TMEFF1: variants seen among roughly 807,000 people sequenced by gnomAD.
TMEFF1 encodes transmembrane protein with EGF like and two follistatin like domains 1, also known as tomoregulin-1.
In TMEFF1, 20 loss-of-function variants were observed where a neutral mutation model predicts 47.5. The observed-to-expected ratio is 0.42, with a 90% confidence interval of 0.30 to 0.61. The LOEUF (loss-of-function observed/expected upper bound fraction) is 0.61, where lower values mean the gene tolerates loss of function less well. Among genes scored for constraint, TMEFF1 ranks in the 20% least tolerant of loss-of-function variants. The pLI is 0.19. For synonymous variants in TMEFF1, 162 were observed against 166.3 expected (o/e 0.97, Z 0.20); for missense variants, 411 against 471.1 (o/e 0.87, Z 1.18).
At chr9:100,532,946 G>A (rs1362482242) in intron 5 of TMEFF1, among the ~76,000 whole-genome samples, 2 of 152,008 alleles carry the variant, frequency 1.3e-5, no homozygotes, top group African/African-American at 4.8e-5. Flanking sequence ...TAGGGACATG[G>A]ATGAAATTGG....
intron 9 of TMEFF1, among the ~76,000 whole-genome samples, chr9:100,573,887 A>G (rs564162127): frequency 2.0e-5 from 3 of 152,296 alleles, no homozygotes; most frequent in Non-Finnish European, 4.4e-5. Flanking sequence ...TGGACGGTAG[A>G]TCAAAGTAGG....
In TMEFF1 at chr9:100,473,970, G is replaced by A. The variant is rs986011621; in HGVS notation, c.196+230G>A. On this transcript the variant is annotated intron_variant, in intron 1 of 9. Transcript: ENST00000374879. This position sits in a 1 kb window ranked among gnomAD's most constrained non-coding sequence, Gnocchi z 5.4. ...GTCCGAGTGTGTCGAGTGGCTGGGCGAGGGCGGCCCGGCGTGTGGGGAGGC... is the reference window on the plus strand; with the variant it reads ...GTCCGAGTGTGTCGAGTGGCTGGGCAAGGGCGGCCCGGCGTGTGGGGAGGC... Among the ~76,000 whole-genome samples, 7 of 152,062 alleles carry A rather than the reference G, an allele frequency of 4.6e-5. No individual in the cohort carries two copies. The highest frequency in any genetic ancestry group is 1.4e-4 in the African/African-American group (6 of 41,496).
At chr9:100,550,368 G>A (rs1467125679) in intron 7 of TMEFF1, among the ~76,000 whole-genome samples, 6 of 152,128 alleles carry the variant, frequency 3.9e-5, no homozygotes, top group African/African-American at 7.2e-5. Flanking sequence ...TGCTTTCTTT[G>A]ATTAAAGTCT....
At chr9:100,505,318 A>C (rs776335547) in intron 2 of TMEFF1, among the ~76,000 whole-genome samples, 1 of 144,492 alleles carries the variant, frequency 6.9e-6, no homozygotes, top group Non-Finnish European at 1.5e-5. Context: ...AGGCTGAGGC[A>C]GGAGAATTGC....
intron 5 of TMEFF1, among the ~76,000 whole-genome samples, chr9:100,540,256 T>C (rs1473952539): frequency 6.6e-6 from 1 of 152,144 alleles, no homozygotes; most frequent in East Asian, 1.9e-4. Context: ...AGAGCACTGA[T>C]TGGTGTGTTT....
chr9:100,500,654 G>C (rs532158088), intron 2 of TMEFF1, among the ~76,000 whole-genome samples: 2 of 152,102 alleles, frequency 1.3e-5, no homozygotes, highest in Non-Finnish European at 2.9e-5. Context: ...TGTTATTGCC[G>C]CTTTAAAATA....
intron 3 of TMEFF1, among the ~76,000 whole-genome samples, chr9:100,509,477 A>G (rs561531455): frequency 1.3e-5 from 2 of 152,216 alleles, no homozygotes; most frequent in East Asian, 3.9e-4. Context: ...TGATTTTTTA[A>G]AAAGAGGTGA....
intron 1 of TMEFF1, among the ~76,000 whole-genome samples, chr9:100,477,042 T>C (rs1312020198): frequency 2.6e-5 from 4 of 152,198 alleles, no homozygotes; most frequent in Non-Finnish European, 5.9e-5. Context: ...CCTGTAGATA[T>C]TCATTTTTGG....
intron 5 of TMEFF1, among the ~76,000 whole-genome samples, chr9:100,541,347 CA>C (rs1247748736): frequency 0.048 from 6,336 of 131,302 alleles, 217 homozygotes; most frequent in African/African-American, 0.097. Flanking sequence ...TTGGCAATTT[CA>C]TTTTTTTTTT....
intron 1 of TMEFF1, among the ~76,000 whole-genome samples, chr9:100,486,701 T>C (rs1429672212): frequency 6.6e-6 from 1 of 152,002 alleles, no homozygotes; most frequent in Non-Finnish European, 1.5e-5. Flanking sequence ...AGTGGCATGA[T>C]GGCTTACTGC....
intron 7 of TMEFF1, 108 bp from the exon 8 acceptor site, chr9:100,561,289 A>G: frequency 6.6e-7 from 1 of 1,506,142 alleles, no homozygotes. Flanking sequence ...AATTGCCAGT[A>G]GGTGGTTGAC....
intron 5 of TMEFF1, among the ~76,000 whole-genome samples, chr9:100,542,907 C>T (rs1312313054): frequency 6.7e-6 from 1 of 148,196 alleles, no homozygotes; most frequent in Non-Finnish European, 1.5e-5. Flanking sequence ...TCTGACTCTT[C>T]CATCTCTCTC....
chr9:100,473,740 G>C lies in TMEFF1; in HGVS notation c.196G>C (p.Glu66Gln). 6.6e-7 allele frequency: 1 copy of C among 1,514,534 alleles called. No individual in the cohort carries two copies. The allele number at this position is 1,514,534 out of a possible 1,614,324, so 93.8% of individuals were successfully genotyped here. Reference protein sequence around the residue: ...GGKGKSINCSELNVRESDVRV... With the variant: ...GGKGKSINCSQLNVRESDVRV... Reference sequence around the variant, plus strand: ...CAAAGGCAAGAGCATCAACTGCTCAGGTAGGACCGGTCGGAGCCGGCCCTA... The same window carrying C: ...CAAAGGCAAGAGCATCAACTGCTCACGTAGGACCGGTCGGAGCCGGCCCTA... The change falls in exon 1 of 10, where the codon GAA becomes CAA. Residue 66 changes from glutamate to glutamine, a missense_variant and splice_region_variant. Coordinates refer to ENST00000374879, the MANE Select transcript of TMEFF1 (RefSeq NM_003692.5). This position sits in a 1 kb window ranked among gnomAD's most constrained non-coding sequence, Gnocchi z 5.4.
chr9:100,528,442 A>G (rs1158241126), intron 5 of TMEFF1, among the ~76,000 whole-genome samples: 1 of 147,276 alleles, frequency 6.8e-6, no homozygotes, highest in Non-Finnish European at 1.5e-5. Context: ...TACGTGAAGA[A>G]TGCAGAAGCC....
chr9:100,575,557 T>C (rs1304752113), intron 9 of TMEFF1, among the ~76,000 whole-genome samples: 1 of 152,186 alleles, frequency 6.6e-6, no homozygotes, highest in African/African-American at 2.4e-5. Context: ...GGTAAAACCA[T>C]ATACAAAATG....
chr9:100,515,848 CA>C (rs1177604554), intron 4 of TMEFF1, among the ~76,000 whole-genome samples: 2 of 151,770 alleles, frequency 1.3e-5, no homozygotes, highest in African/African-American at 4.8e-5. Flanking sequence ...TACTCTTTTT[CA>C]AACCAAATTC....
rs1195556483 is a variant in TMEFF1 at position 100,504,211 on chromosome 9, G to A, written c.307-4794G>A. Among the ~76,000 whole-genome samples, 3 of 152,190 alleles carry A rather than the reference G, an allele frequency of 2.0e-5. No individual in the cohort carries two copies. The East Asian group carries it at 5.8e-4, about 29-fold the overall frequency. Reference sequence around the variant, plus strand: ...CTTAGAATCCACCATCAGTGCATAAGTCAGAAATCGCATGTTGTTAAAATT... The same window carrying A: ...CTTAGAATCCACCATCAGTGCATAAATCAGAAATCGCATGTTGTTAAAATT... On this transcript the variant is annotated intron_variant, in intron 2 of 9. Coordinates refer to ENST00000374879, the MANE Select transcript of TMEFF1 (RefSeq NM_003692.5).
chr9:100,499,576 G>A (rs746775865), intron 2 of TMEFF1, among the ~76,000 whole-genome samples: 2 of 152,038 alleles, frequency 1.3e-5, no homozygotes, highest in East Asian at 1.9e-4. Flanking sequence ...TATTCTAAAC[G>A]TACCCACCAT....
chr9:100,574,328 T>TAAA (rs1395954832), intron 9 of TMEFF1, among the ~76,000 whole-genome samples: 1 of 152,106 alleles, frequency 6.6e-6, no homozygotes, highest in Non-Finnish European at 1.5e-5. Flanking sequence ...AGGTAATGAA[T>TAAA]GATTTGGAAG....
Sources: allele counts gnomAD v4.1 joint callset (sites outside exome capture counted in the v4.1 genomes callset), GRCh38; gene constraint gnomAD v4.1.1; non-coding constraint Gnocchi (gnomAD v3.1); transcripts MANE v1.5; gene names NCBI Gene and HGNC (gene_info 2026-07-23, HGNC 2026-07-21).